FMNL2: variants seen among roughly 807,000 people sequenced by gnomAD.
FMNL2 encodes the protein formin like 2.
A neutral mutation model predicts 130.2 loss-of-function variants in FMNL2; 51 were observed. The observed-to-expected ratio is 0.39, with a 90% CI of 0.31 to 0.49. FMNL2 has a LOEUF of 0.49. Among genes scored for constraint, FMNL2 ranks in the 20% least tolerant of loss-of-function variants. FMNL2 has a pLI of 0.85. For missense variants in FMNL2, 977 were observed against 1,316.2 expected, an observed-to-expected ratio of 0.74 and a Z score of 3.99; for synonymous variants, 465 against 467.1, an observed-to-expected ratio of 1.00 and a Z score of 0.06.
intron 1 of FMNL2, among the ~76,000 whole-genome samples, chr2:152,364,059 G>T (rs373867074): frequency 8.0e-4 from 121 of 152,184 alleles, no homozygotes; most frequent in African/African-American, 2.6e-3. Context: ...TGCTCATGAG[G>T]TAGTTGCCTG....
At chr2:152,417,981 G>A (rs1686705946) in intron 1 of FMNL2, among the ~76,000 whole-genome samples, 2 of 152,184 alleles carry the variant, frequency 1.3e-5, no homozygotes, top group South Asian at 4.1e-4. Flanking sequence ...GAGTAGGTGG[G>A]ACTACAGGTG....
intron 1 of FMNL2, among the ~76,000 whole-genome samples, chr2:152,451,752 G>T (rs1190247753): frequency 6.6e-6 from 1 of 152,068 alleles, no homozygotes; most frequent in Non-Finnish European, 1.5e-5. Context: ...ACATAATTAG[G>T]TGGCTTTTCC....
At chr2:152,427,013 G>GT (rs1687233447) in intron 1 of FMNL2, among the ~76,000 whole-genome samples, 1 of 152,192 alleles carries the variant, frequency 6.6e-6, no homozygotes, top group Non-Finnish European at 1.5e-5. Flanking sequence ...GTAATAGCGA[G>GT]TCAGTGTTTT....
chr2:152,565,246 G>A (rs907355689), intron 6 of FMNL2, among the ~76,000 whole-genome samples: 1 of 152,188 alleles, frequency 6.6e-6, no homozygotes, highest in African/African-American at 2.4e-5. Flanking sequence ...TAAAGAAAGA[G>A]GTGGAGTACT....
chr2:152,561,111 T>C (rs1365438725), intron 6 of FMNL2, 76 bp downstream of exon 6: 1 of 1,440,508 alleles, frequency 6.9e-7, no homozygotes, highest in Non-Finnish European at 9.3e-7. Context: ...TTGATGATTC[T>C]GGGCACTGTA....
intron 6 of FMNL2, among the ~76,000 whole-genome samples, chr2:152,566,710 G>A (rs1218789871): frequency 6.6e-6 from 1 of 152,152 alleles, no homozygotes; most frequent in Non-Finnish European, 1.5e-5. Flanking sequence ...GTATATATAT[G>A]TTTGTGTGTA....
At chr2:152,591,796 A>G (rs993050375) in intron 9 of FMNL2, among the ~76,000 whole-genome samples, 4 of 151,432 alleles carry the variant, frequency 2.6e-5, no homozygotes, top group Non-Finnish European at 1.5e-5. Context: ...ACACAGCGAG[A>G]ACCTGTCTCT....
intron 1 of FMNL2, among the ~76,000 whole-genome samples, chr2:152,476,329 G>A (rs1326670343): frequency 6.6e-6 from 1 of 152,156 alleles, no homozygotes; most frequent in African/African-American, 2.4e-5. Flanking sequence ...AACCATTTAT[G>A]TTTGGTTTCT....
intron 1 of FMNL2, chr2:152,390,187 T>C (rs1461482391): frequency 7.6e-7 from 1 of 1,316,482 alleles, no homozygotes; most frequent in Non-Finnish European, 1.1e-6. Context: ...GAGCTGGACC[T>C]GGTGGTCCCT....
intron 1 of FMNL2, among the ~76,000 whole-genome samples, chr2:152,482,388 A>AT (rs200054337): frequency 2.2e-4 from 33 of 152,138 alleles, no homozygotes; most frequent in African/African-American, 7.7e-4. Context: ...GAAATAGCAC[A>AT]TTTTTTTCCA....
chr2:152,517,917 G>A (rs560550551), intron 1 of FMNL2, among the ~76,000 whole-genome samples: 4 of 152,338 alleles, frequency 2.6e-5, no homozygotes, highest in African/African-American at 9.6e-5. Context: ...TGTCACAGAT[G>A]TCACTAAGAG....
chr2:152,478,201 A>G (rs1444440444), intron 1 of FMNL2, among the ~76,000 whole-genome samples: 5 of 147,878 alleles, frequency 3.4e-5, no homozygotes, highest in African/African-American at 1.2e-4. Flanking sequence ...ACTAAAATGT[A>G]TATACTTAAT....
At chr2:152,609,023 C>T (rs1698540843) in intron 10 of FMNL2, among the ~76,000 whole-genome samples, 1 of 152,208 alleles carries the variant, frequency 6.6e-6, no homozygotes, top group Non-Finnish European at 1.5e-5. Context: ...TCACAGTCCA[C>T]ACCATTCCCT....
intron 1 of FMNL2, among the ~76,000 whole-genome samples, chr2:152,411,687 G>A (rs982463655): frequency 6.6e-6 from 1 of 152,212 alleles, no homozygotes; most frequent in Non-Finnish European, 1.5e-5. Context: ...TGTTGTCACT[G>A]TCTCTAGCAC....
At chr2:152,611,629 C>T (rs1460498250) in intron 11 of FMNL2, 24 bp downstream of exon 11, 1 of 1,446,870 alleles carries the variant, frequency 6.9e-7, no homozygotes, top group African/African-American at 1.4e-5. Flanking sequence ...TGACCTTTGG[C>T]TCCAATATAA....
chr2:152,389,606 C>T (rs966086513), intron 1 of FMNL2, among the ~76,000 whole-genome samples: 51 of 152,130 alleles, frequency 3.4e-4, no homozygotes, highest in Admixed American at 2.6e-4. Flanking sequence ...TTGGGCCCGG[C>T]GTGACCCGAA....
In FMNL2 at chr2:152,636,688, T is replaced by G. The variant is rs1580152029; in HGVS notation, c.2844+98T>G. The G allele has an allele frequency of 2.0e-5, 28 of 1,374,784 alleles. No homozygotes were observed. In the East Asian group the frequency reaches 6.8e-4, roughly 34 times the overall value. 85.2% of individuals were successfully genotyped at this position (1,374,784 alleles called of 1,614,324 possible). ...TTTGGGGAGAAATGTTCCATTTCCC[T>G]CTGTTTGTGGAGGGTAGCTTTCTTG... On this transcript the variant is annotated intron_variant, in intron 22 of 25. Transcript: ENST00000288670.
chr2:152,630,180 TCTAA>T (rs1682065581), intron 20 of FMNL2, among the ~76,000 whole-genome samples: 5 of 152,346 alleles, frequency 3.3e-5, no homozygotes, highest in East Asian at 1.9e-4. Flanking sequence ...AATCTAAAGG[TCTAA>T]CTGTGGGAAT....
At chr2:152,469,880 G>A (rs897338734) in intron 1 of FMNL2, among the ~76,000 whole-genome samples, 1 of 152,130 alleles carries the variant, frequency 6.6e-6, no homozygotes, top group African/African-American at 2.4e-5. Flanking sequence ...TAATTCTATG[G>A]TGTGCCGTAT....
Sources: allele counts gnomAD v4.1 joint callset (sites outside exome capture counted in the v4.1 genomes callset), GRCh38; gene constraint gnomAD v4.1.1; transcripts MANE v1.5; gene names NCBI Gene and HGNC (gene_info 2026-07-23, HGNC 2026-07-21).